The following HYDIN variants were observed in gnomAD, a reference collection of about 807,000 sequenced individuals.
The protein encoded by HYDIN is axonemal central pair apparatus protein HYDIN.
A neutral mutation model predicts 403.9 loss-of-function variants in HYDIN; 132 were observed. The ratio of observed to expected loss-of-function variants is 0.33; its 90% CI spans 0.28 to 0.38. The LOEUF is 0.38. HYDIN is among the 10% of genes least tolerant of loss of function. The pLI, the probability that HYDIN is intolerant of heterozygous loss-of-function variation, is 1.00. For missense variants in HYDIN, 2,827 were observed against 5,009.5 expected (o/e 0.56, Z 13.15); for synonymous variants, 1,202 against 1,891.7 (o/e 0.64, Z 9.46).
At chr16:71,150,563 G>C (rs2085498773) in intron 7 of HYDIN, among the ~76,000 whole-genome samples, 1 of 151,082 alleles carries the variant, frequency 6.6e-6, no homozygotes, top group African/African-American at 2.4e-5. Context: ...TAAAAGATGA[G>C]GCATTAACCT....
At chr16:71,151,017 G>C (rs2085517280) in intron 7 of HYDIN, among the ~76,000 whole-genome samples, 2 of 152,136 alleles carry the variant, frequency 1.3e-5, no homozygotes, top group African/African-American at 4.8e-5. Flanking sequence ...CCACTAGTAT[G>C]TCTAAAATTG....
chr16:71,184,860 G>A lies in HYDIN; in HGVS notation c.261+5C>T, dbSNP rs199654411. The A allele has an allele frequency of 1.3e-6, 2 of 1,597,106 alleles. No individual in the cohort carries two copies. Among genetic ancestry groups the A allele is most frequent in the Non-Finnish European group, 1.7e-6 (2 of 1,169,400 alleles). Reference sequence around the variant, plus strand: ...TTATATGTAAGTACGACAGAGAGCAGCTACCTTCTGATGTGTTGTTTCCCC... The same window carrying A: ...TTATATGTAAGTACGACAGAGAGCAACTACCTTCTGATGTGTTGTTTCCCC... On this transcript the variant is annotated splice_donor_5th_base_variant and intron_variant, in intron 3 of 85. Transcript: ENST00000393567.
chr16:70,897,719 A>T (rs1220246237), intron 53 of HYDIN, among the ~76,000 whole-genome samples: 1 of 151,964 alleles, frequency 6.6e-6, no homozygotes, highest in Non-Finnish European at 1.5e-5. Flanking sequence ...GGCTTTCAAA[A>T]GGGACTGGAG....
At position 71,171,780 on chromosome 16, in the gene HYDIN, G is replaced by C. The variant is rs182117061; in HGVS notation, c.516+3827C>G. Among the ~76,000 whole-genome samples the C allele has an allele frequency of 2.0e-3, 308 of 152,276 alleles. 5 individuals carry two copies. Among genetic ancestry groups the C allele is most frequent in the African/African-American group, 7.0e-3 (289 of 41,550 alleles). ...ATATTCATGACACAAAAAGATAATT[G>C]AGCCCTTTTTACATGCTCTTCTCAT... On this transcript the variant is annotated intron_variant, in intron 5 of 85. Coordinates refer to ENST00000393567, the MANE Select transcript of HYDIN (RefSeq NM_001270974.2).
chr16:71,033,925 T>C (rs561458923), intron 18 of HYDIN, among the ~76,000 whole-genome samples: 1 of 152,198 alleles, frequency 6.6e-6, no homozygotes, highest in African/African-American at 2.4e-5. Context: ...TTATTACCAA[T>C]ATGCACTGAG....
intron 55 of HYDIN, chr16:70,894,200 T>C (rs1474963254): frequency 3.4e-6 from 2 of 590,138 alleles, no homozygotes; most frequent in African/African-American, 1.9e-5. Flanking sequence ...TTGAGAGCAG[T>C]GTGAGAATCT....
intron 46 of HYDIN, 21 bp downstream of exon 46, chr16:70,920,570 A>C (rs747333952): frequency 6.4e-7 from 1 of 1,571,958 alleles, no homozygotes; most frequent in East Asian, 2.2e-5. Flanking sequence ...AGACTTCCCC[A>C]CCCTGGAGGA....
intron 43 of HYDIN, among the ~76,000 whole-genome samples, chr16:70,940,597 T>G (rs1160909062): frequency 6.6e-6 from 1 of 151,766 alleles, no homozygotes; most frequent in East Asian, 1.9e-4. Context: ...AAAGGAGAAG[T>G]GGTAATTATT....
At chr16:70,871,615 G>A (rs1361511169) in intron 65 of HYDIN, among the ~76,000 whole-genome samples, 3 of 151,752 alleles carry the variant, frequency 2.0e-5, no homozygotes, top group Non-Finnish European at 4.4e-5. Context: ...AGGAAGGATG[G>A]AGCTTGGAAC....
At chr16:71,115,638 A>G in intron 10 of HYDIN, 58 bp downstream of exon 10, 1 of 901,316 alleles carries the variant, frequency 1.1e-6, no homozygotes, top group Non-Finnish European at 1.9e-6. Flanking sequence ...CTCAGGCACC[A>G]CACTTCATGC....
At chr16:71,131,884 T>A (rs1323339932) in intron 8 of HYDIN, 2 of 152,022 alleles carry the variant, frequency 1.3e-5, no homozygotes, top group Admixed American at 1.3e-4. Context: ...TATTAGGGAA[T>A]AATAAGCAGC....
intron 13 of HYDIN, among the ~76,000 whole-genome samples, chr16:71,072,285 C>G (rs1437975058): frequency 6.8e-6 from 1 of 147,300 alleles, no homozygotes; most frequent in Non-Finnish European, 1.5e-5. Flanking sequence ...TGCCTCCCAT[C>G]CTGATACCAT....
intron 9 of HYDIN, among the ~76,000 whole-genome samples, chr16:71,126,890 A>T (rs2084486295): frequency 6.6e-6 from 1 of 151,820 alleles, no homozygotes. Flanking sequence ...ATTTACCTGA[A>T]TCGGAAAACC....
At chr16:70,920,451 G>A (rs893541444) in intron 46 of HYDIN, 140 bp downstream of exon 46, 13 of 608,150 alleles carry the variant, frequency 2.1e-5, no homozygotes, top group Non-Finnish European at 3.5e-5. Flanking sequence ...AGTCATTATT[G>A]TCTTAATTCC....
chr16:71,188,788 A>G (rs1478441189), intron 1 of HYDIN, among the ~76,000 whole-genome samples: 3 of 152,218 alleles, frequency 2.0e-5, no homozygotes, highest in Non-Finnish European at 2.9e-5. Context: ...ATCAAACACT[A>G]CATCCTAGTA....
chr16:71,217,278 C>T (rs992600001), intron 1 of HYDIN, among the ~76,000 whole-genome samples: 1 of 152,122 alleles, frequency 6.6e-6, no homozygotes, highest in Admixed American at 6.5e-5. Context: ...CTCGATGATG[C>T]CCCAAGTTGT....
intron 9 of HYDIN, among the ~76,000 whole-genome samples, chr16:71,125,534 A>G (rs1442874369): frequency 6.6e-6 from 1 of 152,158 alleles, no homozygotes; most frequent in Non-Finnish European, 1.5e-5. Context: ...TAACTGCAAT[A>G]CCCTGTTTGT....
intron 10 of HYDIN, among the ~76,000 whole-genome samples, chr16:71,102,869 T>C (rs1452323567): frequency 2.1e-5 from 3 of 142,518 alleles, no homozygotes; most frequent in Non-Finnish European, 4.5e-5. Flanking sequence ...TTACAGTTCA[T>C]GTTTACAGCT....
chr16:70,894,128 C>A lies in HYDIN; in HGVS notation c.9248+321G>T, dbSNP rs16943540. 6.3e-3 allele frequency: 1,581 copies of A among 252,854 alleles called. 30 individuals are homozygous for A. The highest frequency in any genetic ancestry group is 0.033 in the African/African-American group (1,445 of 44,350). 15.7% of individuals were successfully genotyped at this position (252,854 alleles called of 1,614,324 possible). A position where few individuals can be genotyped will look rare whatever the true frequency, so the allele number is the denominator to read the frequency against. ...AAGTCTCTTCCTCCATTCCCAGACA[C>A]CTATGGTTCCAACTGGCCAGGTACA... On this transcript the variant is annotated intron_variant, in intron 55 of 85. Transcript: ENST00000393567.
Sources: allele counts gnomAD v4.1 joint callset (sites outside exome capture counted in the v4.1 genomes callset), GRCh38; gene constraint gnomAD v4.1.1; transcripts MANE v1.5; gene names NCBI Gene and HGNC (gene_info 2026-07-23, HGNC 2026-07-21).